The following PPARGC1A variants were observed in gnomAD, a reference collection of about 807,000 sequenced individuals.
The protein encoded by PPARGC1A is PPARG coactivator 1 alpha.
Under a neutral mutation model 88.7 loss-of-function variants are expected in PPARGC1A, and 25 were observed. The observed-to-expected ratio is 0.28, with a 90% confidence interval of 0.21 to 0.39. The LOEUF (loss-of-function observed/expected upper bound fraction) is 0.39, where lower values mean the gene tolerates loss of function less well. PPARGC1A is among the 10% of genes least tolerant of loss of function. The pLI is 1.00. For missense variants in PPARGC1A, 880 were observed against 968.7 expected (o/e 0.91, Z 1.22); for synonymous variants, 363 against 355.6 (o/e 1.02, Z -0.24).
the PPARGC1A span, among the ~76,000 whole-genome samples, chr4:24,227,513 T>A: frequency 6.6e-6 from 1 of 151,802 alleles, no homozygotes; most frequent in Non-Finnish European, 1.5e-5. Context: ...AGAGAGCAGG[T>A]GGTCAGAAAT....
the PPARGC1A span, among the ~76,000 whole-genome samples, chr4:24,394,214 TG>T: frequency 3.3e-4 from 50 of 152,294 alleles, no homozygotes; most frequent in African/African-American, 1.1e-3. Flanking sequence ...AATTCTAAAC[TG>T]CATAAATTAC....
the PPARGC1A span, among the ~76,000 whole-genome samples, chr4:24,302,053 T>C: frequency 1.3e-5 from 2 of 152,118 alleles, no homozygotes; most frequent in Non-Finnish European, 2.9e-5. Context: ...CCCCCCAAGT[T>C]GTTCTTCTTG....
chr4:23,828,444 GA>G lies in PPARGC1A; in HGVS notation c.712del (p.Ser238ProfsTer25). Reference sequence around the variant, plus strand: ...CGACTGTGTGTGGGACTTCTTTTTGGAGGTGCATTTGTCTCTGCTGCTGTTT... The same window carrying G: ...CGACTGTGTGTGGGACTTCTTTTTGGGGTGCATTTGTCTCTGCTGCTGTTT... ...NRNSSRDKCT[S>X]KKKSHTQSQS... On this transcript the variant is annotated frameshift_variant, in exon 5 of 13. Transcript: ENST00000264867. LOFTEE classifies it high-confidence loss of function. 6.2e-7 allele frequency: 1 copy of G among 1,614,012 alleles called. No homozygotes were observed. Among genetic ancestry groups the G allele is most frequent in the Non-Finnish European group, 8.5e-7 (1 of 1,179,964 alleles).
At chr4:24,080,223 T>C in the PPARGC1A span, among the ~76,000 whole-genome samples, 1 of 152,072 alleles carries the variant, frequency 6.6e-6, no homozygotes, top group Non-Finnish European at 1.5e-5. Context: ...CTTATATCTA[T>C]TCTGGGAGTT....
At chr4:24,311,447 A>T in the PPARGC1A span, among the ~76,000 whole-genome samples, 1 of 132,546 alleles carries the variant, frequency 7.5e-6, no homozygotes, top group African/African-American at 2.7e-5. Context: ...CATCCTGGCT[A>T]ACACGGTGAA....
At chr4:24,355,272 A>T in the PPARGC1A span, among the ~76,000 whole-genome samples, 1 of 152,238 alleles carries the variant, frequency 6.6e-6, no homozygotes, top group Non-Finnish European at 1.5e-5. Context: ...GTCAAGGGAC[A>T]TGCTAAGCAA....
At chr4:24,367,246 A>G in the PPARGC1A span, among the ~76,000 whole-genome samples, 1 of 152,180 alleles carries the variant, frequency 6.6e-6, no homozygotes, top group Non-Finnish European at 1.5e-5. Flanking sequence ...ACAGAGGAAG[A>G]GGCTAACCCT....
At chr4:23,935,491 T>A in the PPARGC1A span, among the ~76,000 whole-genome samples, 1 of 152,324 alleles carries the variant, frequency 6.6e-6, no homozygotes, top group South Asian at 2.1e-4. Context: ...TTAGTAGATA[T>A]CAATTTTTGT....
chr4:23,798,989 G>A (rs983868975), intron 12 of PPARGC1A, among the ~76,000 whole-genome samples: 8 of 152,082 alleles, frequency 5.3e-5, no homozygotes, highest in Non-Finnish European at 1.2e-4. Context: ...AACTTAATTT[G>A]GGGGAGCAAG....
At chr4:23,963,785 T>A in the PPARGC1A span, among the ~76,000 whole-genome samples, 5 of 152,176 alleles carry the variant, frequency 3.3e-5, no homozygotes, top group Admixed American at 2.6e-4. Flanking sequence ...CTGCAGTAGA[T>A]CCTGGGTGCT....
At chr4:24,316,037 C>A in the PPARGC1A span, among the ~76,000 whole-genome samples, 1 of 152,176 alleles carries the variant, frequency 6.6e-6, no homozygotes, top group Non-Finnish European at 1.5e-5. Flanking sequence ...GCTTCTGGAC[C>A]CAAGACTTTT....
chr4:23,962,512 A>T, the PPARGC1A span, among the ~76,000 whole-genome samples: 34 of 152,190 alleles, frequency 2.2e-4, 2 homozygotes. Flanking sequence ...CAAGACAATG[A>T]GACAGTCAAA....
chr4:23,967,677 A>G, the PPARGC1A span, among the ~76,000 whole-genome samples: 1 of 152,148 alleles, frequency 6.6e-6, no homozygotes, highest in East Asian at 1.9e-4. Context: ...TTTATCTTTG[A>G]TGATATAAAC....
At chr4:24,323,915 CCT>C in the PPARGC1A span, among the ~76,000 whole-genome samples, 1 of 152,210 alleles carries the variant, frequency 6.6e-6, no homozygotes, top group East Asian at 1.9e-4. Context: ...TATCCCTCAA[CCT>C]CTTTCTCCTT....
At chr4:23,991,687 C>T in the PPARGC1A span, among the ~76,000 whole-genome samples, 1 of 151,936 alleles carries the variant, frequency 6.6e-6, no homozygotes, top group Non-Finnish European at 1.5e-5. Flanking sequence ...AACACTGAGA[C>T]TGGGACAGCT....
At chr4:24,413,436 G>A in the PPARGC1A span, among the ~76,000 whole-genome samples, 6 of 152,160 alleles carry the variant, frequency 3.9e-5, no homozygotes, top group Non-Finnish European at 7.4e-5. Context: ...ATTATGCCAG[G>A]AACACAGTGG....
rs906186281 is a variant in PPARGC1A, at chr4:23,873,211, A to T, written c.234+11541T>A. On this transcript the variant is annotated intron_variant, in intron 2 of 12. Coordinates refer to ENST00000264867, the MANE Select transcript of PPARGC1A (RefSeq NM_013261.5). Reference sequence around the variant, plus strand: ...AGACTCCGTCTCAAAAATAAAAAATAAAAAATAAAAAATAAAGAAAAAAAT... The same window carrying T: ...AGACTCCGTCTCAAAAATAAAAAATTAAAAATAAAAAATAAAGAAAAAAAT... Among the ~76,000 whole-genome samples the T allele has an allele frequency of 9.1e-5, 13 of 142,402 alleles. 1 individual carries two copies. The highest frequency in any genetic ancestry group is 3.1e-4 in the African/African-American group (12 of 38,434). The allele number at this position is 142,402 out of a possible 152,430, so 93.4% of individuals were successfully genotyped here.
upstream of PPARGC1A, among the ~76,000 whole-genome samples, chr4:23,900,709 T>C (rs576917011): frequency 6.6e-6 from 1 of 152,196 alleles, no homozygotes; most frequent in Non-Finnish European, 1.5e-5. Flanking sequence ...TAAGTCGACT[T>C]TCTATGAGGG....
the PPARGC1A span, among the ~76,000 whole-genome samples, chr4:24,112,370 C>A: frequency 6.6e-6 from 1 of 152,134 alleles, no homozygotes; most frequent in African/African-American, 2.4e-5. Flanking sequence ...AGCCAGAAAT[C>A]TGAAATTTTT....
Sources: allele counts gnomAD v4.1 joint callset (sites outside exome capture counted in the v4.1 genomes callset), GRCh38; gene constraint gnomAD v4.1.1; transcripts MANE v1.5; gene names NCBI Gene and HGNC (gene_info 2026-07-23, HGNC 2026-07-21).